The following S100A13 variants were observed in gnomAD, a reference collection of about 807,000 sequenced individuals.
S100A13 encodes protein S100-A13.
S100A13 carries 6 observed loss-of-function variants against 8.2 expected under a neutral mutation model. That is an observed-to-expected ratio of 0.73 (90% CI 0.40 to 1.44). The LOEUF is 1.44. S100A13 is among the 40% of genes most tolerant of loss of function. The probability of loss-of-function intolerance (pLI) is 0.02; values close to 1 mark genes in which losing one functional copy is unlikely to be tolerated. For synonymous variants in S100A13, 39 were observed against 45.9 expected (o/e 0.85, Z 0.61); for missense variants, 114 against 113.6 (o/e 1.00, Z -0.02).
intron 2 of S100A13, among the ~76,000 whole-genome samples, chr1:153,624,404 C>A (rs372254429): frequency 1.3e-5 from 2 of 152,004 alleles, no homozygotes; most frequent in African/African-American, 2.4e-5. Context: ...CTGTAAGGAG[C>A]GCAATAAGAA....
intron 1 of S100A13, chr1:153,626,835 C>T (rs1667671820): frequency 5.6e-6 from 1 of 178,262 alleles, no homozygotes; most frequent in African/African-American, 2.3e-5. Context: ...ATCTGGAGAC[C>T]CCTCTACTTG....
chr1:153,630,449 C>T (rs895986142), upstream of S100A13: 9 of 1,586,054 alleles, frequency 5.7e-6, no homozygotes, highest in East Asian at 4.5e-5. Context: ...GTTCCCCTCA[C>T]CTAGACCCCA....
In S100A13 at chr1:153,618,893, C is replaced by T; in HGVS notation, c.*2G>A. ...TGCCCACCCCATCTCAGCCAGGCGG[C>T]TTTACTTCTTCCTGATCTTCAGGTC... On this transcript the variant is annotated 3_prime_UTR_variant, in exon 3 of 3. Transcript: ENST00000476133. The T allele has an allele frequency of 6.2e-7, 1 of 1,614,034 alleles. No homozygotes were observed. Among genetic ancestry groups the T allele is most frequent in the Admixed American group, 1.7e-5 (1 of 60,024 alleles).
chr1:153,624,652 C>T (rs1667490545), intron 2 of S100A13, among the ~76,000 whole-genome samples: 2 of 151,566 alleles, frequency 1.3e-5, no homozygotes, highest in East Asian at 1.9e-4. Context: ...AAAAAGGAAA[C>T]GTCTGGCTGG....
upstream of S100A13, chr1:153,632,380 A>T (rs6694006): frequency 0.63 from 93,692 of 149,314 alleles, 30,041 homozygotes; most frequent in African/African-American, 0.76. Flanking sequence ...CAAGCGATTC[A>T]CCTGCCTCAG....
chr1:153,631,348 T>C, upstream of S100A13: 1 of 1,048,280 alleles, frequency 9.5e-7, no homozygotes, highest in East Asian at 2.6e-5. Context: ...TAACCACCGA[T>C]TACCAATTTG....
chr1:153,630,686 G>A (rs543796518), upstream of S100A13: 3 of 1,612,120 alleles, frequency 1.9e-6, no homozygotes, highest in East Asian at 4.5e-5. Flanking sequence ...GGTGGAGTGG[G>A]AGTGGAGTGG....
chr1:153,625,889 C>A (rs1667584110), intron 2 of S100A13, among the ~76,000 whole-genome samples: 1 of 152,242 alleles, frequency 6.6e-6, no homozygotes, highest in African/African-American at 2.4e-5. Context: ...ACAACCGGGT[C>A]AGGCGCAGTG....
chr1:153,624,499 A>T (rs1279622291), intron 2 of S100A13, among the ~76,000 whole-genome samples: 2 of 152,042 alleles, frequency 1.3e-5, no homozygotes, highest in Middle Eastern at 3.4e-3. Flanking sequence ...AATGGAAAGC[A>T]GAGAGGTCAC....
intron 2 of S100A13, 95 bp from the exon 3 acceptor site, chr1:153,619,133 C>T: frequency 8.5e-7 from 1 of 1,176,532 alleles, no homozygotes. Flanking sequence ...TCTCAAGGCC[C>T]TTCCCTCAGA....
upstream of S100A13, chr1:153,631,775 G>A (rs763139008): frequency 2.5e-6 from 4 of 1,614,184 alleles, no homozygotes; most frequent in South Asian, 2.2e-5. Context: ...TGGACTTCCA[G>A]GAGTATGTGG....
intron 1 of S100A13, 148 bp from the exon 2 acceptor site, chr1:153,626,681 T>C (rs1030136679): frequency 3.9e-5 from 20 of 512,792 alleles, no homozygotes; most frequent in Non-Finnish European, 6.3e-5. Flanking sequence ...GGGTTGAGCT[T>C]GGGGCAGCAG....
chr1:153,632,141 TCAAGGTGCATTA>T (rs1311199710), upstream of S100A13: 6 of 352,342 alleles, frequency 1.7e-5, no homozygotes, highest in East Asian at 3.1e-4. Context: ...TAGAAAGAGG[TCAAGGTGCATTA>T]CATCTTCCTA....
upstream of S100A13, chr1:153,631,329 ATATT>A: frequency 1.2e-6 from 1 of 863,400 alleles, no homozygotes; most frequent in South Asian, 1.8e-5. Context: ...GACTTTGGGC[ATATT>A]TATTTAACCA....
chr1:153,630,138 G>A (rs961520251), upstream of S100A13: 20 of 347,884 alleles, frequency 5.7e-5, no homozygotes, highest in Non-Finnish European at 9.3e-5. Flanking sequence ...TAGAGCCAGA[G>A]GAAGCATGGC....
chr1:153,621,161 T>TTG (rs1026011984), intron 2 of S100A13, among the ~76,000 whole-genome samples: 1 of 147,618 alleles, frequency 6.8e-6, no homozygotes, highest in African/African-American at 2.5e-5. Flanking sequence ...TCTACAGGAT[T>TTG]TTTTTTTTTT....
chr1:153,620,343 C>T (rs1017477590), intron 2 of S100A13, among the ~76,000 whole-genome samples: 1 of 151,612 alleles, frequency 6.6e-6, no homozygotes, highest in Non-Finnish European at 1.5e-5. Flanking sequence ...CACCCGTAGT[C>T]CCAACTACTT....
upstream of S100A13, chr1:153,632,266 CT>C (rs397863604): frequency 0.03 from 2,724 of 91,768 alleles, 52 homozygotes; most frequent in African/African-American, 0.11. Context: ...AAGAAATAAT[CT>C]TTTTTTTTTT....
chr1:153,631,798 C>T (rs753492129), upstream of S100A13: 9 of 1,614,190 alleles, frequency 5.6e-6, no homozygotes, highest in Admixed American at 1.5e-4. Flanking sequence ...CTTGTGGCTG[C>T]TCTCACAGTG....
Sources: allele counts gnomAD v4.1 joint callset (sites outside exome capture counted in the v4.1 genomes callset), GRCh38; gene constraint gnomAD v4.1.1; transcripts MANE v1.5; gene names NCBI Gene and HGNC (gene_info 2026-07-23, HGNC 2026-07-21).